Variants in RAD51B observed in about 807,000 individuals in gnomAD.
RAD51B encodes the protein RAD51 paralog B, also known as DNA repair protein RAD51 homolog 2.
A neutral mutation model predicts 42.2 loss-of-function variants in RAD51B; 38 were observed. That is an observed-to-expected ratio of 0.90 (90% CI 0.70 to 1.18). The LOEUF (loss-of-function observed/expected upper bound fraction) is 1.18, where lower values mean the gene tolerates loss of function less well. RAD51B is among the 50% of genes most tolerant of loss of function. The pLI is 0.00. For synonymous variants in RAD51B, 154 were observed against 145.2 expected, an observed-to-expected ratio of 1.06 and a Z score of -0.43; for missense variants, 373 against 400.7, an observed-to-expected ratio of 0.93 and a Z score of 0.59.
At chr14:68,407,138 ATAAAAGTATAGTAAATACAT>A (rs1238594364) in intron 8 of RAD51B, among the ~76,000 whole-genome samples, 1 of 152,252 alleles carries the variant, frequency 6.6e-6, no homozygotes, top group Non-Finnish European at 1.5e-5. Context: ...TACATAGTAC[ATAAAAGTATAGTAAATACAT>A]TAAAAGTATA....
chr14:68,151,237 T>C (rs11846301), intron 7 of RAD51B, among the ~76,000 whole-genome samples: 1 of 151,886 alleles, frequency 6.6e-6, no homozygotes, highest in Non-Finnish European at 1.5e-5. Flanking sequence ...TGCTTTATTG[T>C]ATTTTGACTT....
intron 7 of RAD51B, among the ~76,000 whole-genome samples, chr14:68,191,022 A>G (rs1000311116): frequency 3.1e-5 from 3 of 96,620 alleles, no homozygotes. Flanking sequence ...TTAATGCTAT[A>G]TTACTACAAG....
intron 8 of RAD51B, among the ~76,000 whole-genome samples, chr14:68,303,792 C>T (rs1170270058): frequency 2.0e-5 from 3 of 152,164 alleles, no homozygotes; most frequent in East Asian, 3.8e-4. Flanking sequence ...TTTATCAAGG[C>T]GCCTAACAGT....
chr14:68,006,628 T>TA (rs1389566290), intron 7 of RAD51B, among the ~76,000 whole-genome samples: 1 of 152,114 alleles, frequency 6.6e-6, no homozygotes, highest in African/African-American at 2.4e-5. Flanking sequence ...CATTTCATTA[T>TA]ATAAGGAGTG....
At chr14:68,537,049 C>T (rs1427672225) in intron 10 of RAD51B, among the ~76,000 whole-genome samples, 2 of 146,974 alleles carry the variant, frequency 1.4e-5, no homozygotes, top group Non-Finnish European at 3.0e-5. Context: ...GCCATGACTG[C>T]ACCACTGCAC....
intron 10 of RAD51B, among the ~76,000 whole-genome samples, chr14:68,511,377 T>G (rs1045952739): frequency 1.3e-5 from 2 of 152,184 alleles, no homozygotes; most frequent in Non-Finnish European, 2.9e-5. Flanking sequence ...GCCTCAGAGA[T>G]GATTTCTCAC....
At chr14:68,430,678 A>G (rs142817823) in intron 9 of RAD51B, among the ~76,000 whole-genome samples, 85 of 152,306 alleles carry the variant, frequency 5.6e-4, no homozygotes, top group African/African-American at 1.6e-3. Context: ...TACATATACA[A>G]TCATATATCA....
intron 10 of RAD51B, among the ~76,000 whole-genome samples, chr14:68,544,229 C>T (rs1380388922): frequency 6.6e-6 from 1 of 152,180 alleles, no homozygotes; most frequent in Non-Finnish European, 1.5e-5. Context: ...TGTTGAAGAC[C>T]TCACTGTTTT....
chr14:67,844,758 A>G (rs2041553651), intron 4 of RAD51B, among the ~76,000 whole-genome samples: 2 of 151,874 alleles, frequency 1.3e-5, no homozygotes, highest in Non-Finnish European at 2.9e-5. Flanking sequence ...TACTAATGCT[A>G]TCCTTCCCCG....
intron 10 of RAD51B, among the ~76,000 whole-genome samples, chr14:68,484,245 A>G (rs1013180776): frequency 2.6e-5 from 4 of 152,208 alleles, no homozygotes; most frequent in Non-Finnish European, 5.9e-5. Flanking sequence ...GCTGAGAGCC[A>G]GCCCACTCAC....
intron 3 of RAD51B, among the ~76,000 whole-genome samples, chr14:67,832,095 G>A (rs11626809): frequency 6.6e-6 from 1 of 152,176 alleles, no homozygotes; most frequent in Non-Finnish European, 1.5e-5. Flanking sequence ...TTACATTTAT[G>A]TTAGGGAATA....
intron 7 of RAD51B, among the ~76,000 whole-genome samples, chr14:67,940,022 G>GAATATATATATATA (rs2045108062): frequency 5.2e-5 from 1 of 19,190 alleles, no homozygotes; most frequent in Non-Finnish European, 1.0e-4. Flanking sequence ...TTTGATAGAT[G>GAATATATATATATA]CATATATATA....
chr14:67,930,208 T>G (rs2044676693), intron 7 of RAD51B, among the ~76,000 whole-genome samples: 1 of 152,174 alleles, frequency 6.6e-6, no homozygotes, highest in Non-Finnish European at 1.5e-5. Flanking sequence ...TTATTGAGGT[T>G]TTGTTCCTTC....
chr14:68,065,946 G>A (rs893121002), intron 7 of RAD51B, among the ~76,000 whole-genome samples: 1 of 151,980 alleles, frequency 6.6e-6, no homozygotes, highest in Non-Finnish European at 1.5e-5. Context: ...AATATCAGAA[G>A]CTTTACATTG....
At chr14:68,141,969 A>G (rs2078138588) in intron 7 of RAD51B, among the ~76,000 whole-genome samples, 1 of 152,024 alleles carries the variant, frequency 6.6e-6, no homozygotes, top group Non-Finnish European at 1.5e-5. Flanking sequence ...TTCCATTCAT[A>G]TGTTGGTTTC....
In RAD51B at chr14:67,915,725, CAA is replaced by C. The variant is rs531315049; in HGVS notation, c.756+28522_756+28523del. The stretch of plus-strand genomic sequence containing the variant: ...AAGATTGTATATCAAATTACATACT[CAA>C]GAGTTGGATTTTGTTTGTTAGTATT... On this transcript the variant is annotated intron_variant, in intron 7 of 10. Coordinates refer to ENST00000471583, the MANE Select transcript of RAD51B (RefSeq NM_133510.4). Among the ~76,000 whole-genome samples the C allele has an allele frequency of 1.1e-4, 16 of 152,238 alleles. No homozygotes were observed. The East Asian group carries it at 1.7e-3, about 17-fold the overall frequency.
chr14:67,822,739 C>CTATA, intron 1 of RAD51B, among the ~76,000 whole-genome samples: 1 of 149,266 alleles, frequency 6.7e-6, no homozygotes, highest in East Asian at 2.0e-4. Context: ...CTCTCTCTCT[C>CTATA]TATATATATA....
At chr14:68,062,591 C>T (rs1315008208) in intron 7 of RAD51B, among the ~76,000 whole-genome samples, 4 of 151,738 alleles carry the variant, frequency 2.6e-5, no homozygotes, top group East Asian at 1.9e-4. Flanking sequence ...GTCAGGAGTT[C>T]GAGACCAGCC....
At chr14:68,130,822 T>C (rs1477305344) in intron 7 of RAD51B, among the ~76,000 whole-genome samples, 2 of 152,194 alleles carry the variant, frequency 1.3e-5, no homozygotes, top group African/African-American at 2.4e-5. Context: ...AGTTATCAAG[T>C]AAGCCTCCAT....
Sources: gnomAD v4.1 joint callset for allele counts (sites outside exome capture counted in the v4.1 genomes callset) on GRCh38, gnomAD v4.1.1 for gene constraint, MANE v1.5 for transcripts, NCBI Gene and HGNC (gene_info 2026-07-23, HGNC 2026-07-21) for gene names.